PSME4: variants seen among roughly 807,000 people sequenced by gnomAD.
The protein encoded by PSME4 is proteasome activator subunit 4.
A neutral mutation model predicts 253.9 loss-of-function variants in PSME4; 89 were observed. The observed-to-expected ratio is 0.35, with a 90% CI of 0.30 to 0.42. The LOEUF (loss-of-function observed/expected upper bound fraction) is 0.42, where lower values mean the gene tolerates loss of function less well. Among genes scored for constraint, PSME4 ranks in the 10% least tolerant of loss-of-function variants. PSME4 has a pLI of 1.00. For missense variants in PSME4, 2,014 were observed against 2,195.2 expected (o/e 0.92, Z 1.65); for synonymous variants, 851 against 759.2 (o/e 1.12, Z -1.99).
chr2:53,914,647 C>T (rs570480172), intron 20 of PSME4, among the ~76,000 whole-genome samples: 23 of 152,268 alleles, frequency 1.5e-4, no homozygotes, highest in Admixed American at 6.5e-4. Context: ...CTTTGGGAGG[C>T]AGAGGCGGGT....
At chr2:53,949,966 T>C (rs899089989) in intron 1 of PSME4, among the ~76,000 whole-genome samples, 2 of 152,162 alleles carry the variant, frequency 1.3e-5, no homozygotes, top group African/African-American at 4.8e-5. Context: ...TAAAAAATTG[T>C]TCTGTACTTC....
chr2:53,896,792 G>T lies in PSME4; in HGVS notation c.3688+12C>A, dbSNP rs376463207. On this transcript the variant is annotated intron_variant, in intron 32 of 46. Transcript: ENST00000404125. ...TTGGAAAGCACTATTAATTACTTCT[G>T]GTAGTACTCACTGATTTCACAGGGG... 1.3e-6 allele frequency: 2 copies of T among 1,578,578 alleles called. No individual in the cohort carries two copies. Among genetic ancestry groups the T allele is most frequent in the African/African-American group, 2.7e-5 (2 of 74,036 alleles).
intron 2 of PSME4, 107 bp downstream of exon 2, chr2:53,949,035 AT>A (rs1669852820): frequency 7.3e-7 from 1 of 1,361,896 alleles, no homozygotes; most frequent in Non-Finnish European, 9.7e-7. Context: ...CATTTTCCAA[AT>A]TGGCAATTTG....
At chr2:53,876,893 T>C (rs907532482) in intron 41 of PSME4, among the ~76,000 whole-genome samples, 2 of 151,578 alleles carry the variant, frequency 1.3e-5, no homozygotes, top group Admixed American at 1.3e-4. Flanking sequence ...ATTTTTTTTT[T>C]TAAATGTATG....
intron 1 of PSME4, among the ~76,000 whole-genome samples, chr2:53,968,657 A>T (rs1197104226): frequency 6.6e-6 from 1 of 152,224 alleles, no homozygotes; most frequent in African/African-American, 2.4e-5. Flanking sequence ...TTCCAAAATA[A>T]AATTCTACCC....
At chr2:53,937,170 T>C (rs1375861350) in intron 5 of PSME4, among the ~76,000 whole-genome samples, 2 of 152,168 alleles carry the variant, frequency 1.3e-5, no homozygotes, top group African/African-American at 2.4e-5. Flanking sequence ...AATTTTTTCT[T>C]TCTCTTAATT....
intron 10 of PSME4, among the ~76,000 whole-genome samples, chr2:53,930,468 A>C (rs1399803575): frequency 6.6e-6 from 1 of 152,194 alleles, no homozygotes; most frequent in Non-Finnish European, 1.5e-5. Context: ...AGCAAAGAAT[A>C]CTGGGGGTTG....
intron 20 of PSME4, among the ~76,000 whole-genome samples, chr2:53,915,465 C>A (rs1170876582): frequency 2.0e-5 from 3 of 151,600 alleles, no homozygotes; most frequent in African/African-American, 7.3e-5. Context: ...GGTGTGGTGG[C>A]TCACACCTGT....
At chr2:53,901,600 A>C (rs572853135) in intron 27 of PSME4, 41 bp from the exon 28 acceptor site, 1 of 1,516,508 alleles carries the variant, frequency 6.6e-7, no homozygotes, top group Non-Finnish European at 9.0e-7. Context: ...ATGGGAAATA[A>C]GAGGCATCAT....
chr2:53,925,754 T>G lies in PSME4; in HGVS notation c.1659-65A>C. On this transcript the variant is annotated intron_variant, in intron 13 of 46. Transcript: ENST00000404125. Reference sequence around the variant, plus strand: ...TCTGGTTTGACATTTTTGGTGGTCATCAGGTAACTCTCTATTGTCCTAATT... The same window carrying G: ...TCTGGTTTGACATTTTTGGTGGTCAGCAGGTAACTCTCTATTGTCCTAATT... 4 of 1,475,398 alleles carry G rather than the reference T, an allele frequency of 2.7e-6. No homozygotes were observed. The South Asian group carries it at 4.8e-5, about 18-fold the overall frequency. The allele number at this position is 1,475,398 out of a possible 1,614,324, so 91.4% of individuals were successfully genotyped here.
chr2:53,885,481 T>C (rs1316129327), intron 41 of PSME4, among the ~76,000 whole-genome samples: 2 of 152,236 alleles, frequency 1.3e-5, no homozygotes, highest in African/African-American at 4.8e-5. Context: ...TTCATGTAGC[T>C]GTCAAAATCC....
chr2:53,888,135 CCT>C (rs1679727399), intron 38 of PSME4, 146 bp from the exon 39 acceptor site: 2 of 683,406 alleles, frequency 2.9e-6, no homozygotes, highest in Non-Finnish European at 4.3e-6. Flanking sequence ...CTCAAAATAG[CCT>C]CTTTATGAAG....
Position 53,955,242 on chromosome 2 carries a change from A to G in PSME4, c.243-5959T>C, listed in dbSNP as rs538990751. On this transcript the variant is annotated intron_variant, in intron 1 of 46. Coordinates refer to ENST00000404125, the MANE Select transcript of PSME4 (RefSeq NM_014614.3). ...TCCAAAATTTCCTGAAAAAAAATCT[A>G]TAAGTCTAGTATGAGAATGGCTTGT... Among the ~76,000 whole-genome samples, 28 of 152,350 alleles carry G rather than the reference A, an allele frequency of 1.8e-4. No individual in the cohort carries two copies. In the South Asian group the frequency reaches 3.3e-3, roughly 18 times the overall value.
chr2:53,929,351 G>A (rs918379179), intron 10 of PSME4, among the ~76,000 whole-genome samples: 1 of 152,044 alleles, frequency 6.6e-6, no homozygotes, highest in African/African-American at 2.4e-5. Context: ...GAGTGCAGTG[G>A]CCTGATCACA....
At chr2:53,895,918 T>A (rs1454414588) in intron 32 of PSME4, among the ~76,000 whole-genome samples, 182 bp from the exon 33 acceptor site, 1 of 152,178 alleles carries the variant, frequency 6.6e-6, no homozygotes, top group African/African-American at 2.4e-5. Flanking sequence ...GATGGCATTA[T>A]CTACTAAATT....
At chr2:53,866,674 G>A in intron 45 of PSME4, 73 bp downstream of exon 45, 1 of 1,494,992 alleles carries the variant, frequency 6.7e-7, no homozygotes, top group Non-Finnish European at 9.1e-7. Context: ...AGAGTGTATA[G>A]GAAATTATTA....
intron 8 of PSME4, chr2:53,933,024 A>T (rs536717428): frequency 1.0e-5 from 4 of 389,656 alleles, no homozygotes; most frequent in Non-Finnish European, 1.9e-5. Flanking sequence ...TTAGGATAAC[A>T]AACAGCGTAC....
intron 17 of PSME4, among the ~76,000 whole-genome samples, chr2:53,922,083 A>G (rs1398765979): frequency 6.6e-6 from 1 of 151,808 alleles, no homozygotes; most frequent in Admixed American, 6.6e-5. Context: ...GAGGCAGGAG[A>G]ATGGCGTGAA....
intron 5 of PSME4, 132 bp downstream of exon 5, chr2:53,937,259 G>A (rs1258692427): frequency 1.2e-6 from 1 of 851,612 alleles, no homozygotes; most frequent in Non-Finnish European, 1.8e-6. Flanking sequence ...CACACTTCAA[G>A]TATAATAAAC....
Sources: allele counts gnomAD v4.1 joint callset (sites outside exome capture counted in the v4.1 genomes callset), GRCh38; gene constraint gnomAD v4.1.1; transcripts MANE v1.5; gene names NCBI Gene and HGNC (gene_info 2026-07-23, HGNC 2026-07-21).